The following FBXW7 variants were observed in gnomAD, a reference collection of about 807,000 sequenced individuals.
The protein encoded by FBXW7 is F-box and WD repeat domain containing 7, also known as F-box/WD repeat-containing protein 7.
FBXW7 carries 11 observed loss-of-function variants against 86.3 expected under a neutral mutation model. The observed-to-expected ratio is 0.13, with a 90% CI of 0.08 to 0.21. The LOEUF is 0.21. Among genes scored for constraint, FBXW7 ranks in the 10% least tolerant of loss-of-function variants. The pLI is 1.00. For synonymous variants in FBXW7, 313 were observed against 297.9 expected (o/e 1.05, Z -0.52); for missense variants, 488 against 847.4 (o/e 0.58, Z 5.27).
intron 2 of FBXW7, among the ~76,000 whole-genome samples, chr4:152,502,117 A>G (rs1407882338): frequency 6.6e-6 from 1 of 152,142 alleles, no homozygotes; most frequent in Non-Finnish European, 1.5e-5. Flanking sequence ...CAACTCTCAA[A>G]AGGTTTAATT....
At chr4:152,459,199 T>A (rs1213464771) in intron 2 of FBXW7, among the ~76,000 whole-genome samples, 1 of 152,184 alleles carries the variant, frequency 6.6e-6, no homozygotes, top group African/African-American at 2.4e-5. Context: ...GACACCAGCA[T>A]TCAATCTACC....
intron 4 of FBXW7, among the ~76,000 whole-genome samples, chr4:152,376,290 T>A (rs1030039367): frequency 2.0e-5 from 3 of 152,108 alleles, no homozygotes; most frequent in Admixed American, 6.6e-5. Flanking sequence ...GGGTAATAAT[T>A]CCCAAATTTG....
At chr4:152,533,248 A>G (rs77683286) in intron 2 of FBXW7, among the ~76,000 whole-genome samples, 2,085 of 152,184 alleles carry the variant, frequency 0.014, 26 homozygotes, top group Middle Eastern at 0.037. Context: ...AGTAGGTCCT[A>G]AAGTTAGTAA....
chr4:152,347,923 TTAAAC>T (rs1478987825), intron 5 of FBXW7, among the ~76,000 whole-genome samples: 30 of 152,168 alleles, frequency 2.0e-4, no homozygotes, highest in African/African-American at 5.8e-4. Context: ...CTGCATGTAA[TTAAAC>T]TAAACTCAAG....
chr4:152,502,565 T>C (rs1747056825), intron 2 of FBXW7, among the ~76,000 whole-genome samples: 1 of 152,064 alleles, frequency 6.6e-6, no homozygotes, highest in South Asian at 2.1e-4. Context: ...TTTTTAATTT[T>C]AATATTTTGA....
At chr4:152,472,409 A>G (rs1320586256) in intron 2 of FBXW7, among the ~76,000 whole-genome samples, 1 of 152,184 alleles carries the variant, frequency 6.6e-6, no homozygotes, top group African/African-American at 2.4e-5. Flanking sequence ...CCATCAGCAG[A>G]AGGGAGAAAT....
At chr4:152,388,334 C>T (rs1735722378) in intron 4 of FBXW7, among the ~76,000 whole-genome samples, 1 of 152,042 alleles carries the variant, frequency 6.6e-6, no homozygotes, top group African/African-American at 2.4e-5. Context: ...ACAACATACA[C>T]AAGTGTTATA....
intron 7 of FBXW7, among the ~76,000 whole-genome samples, chr4:152,336,212 A>G (rs1435380836): frequency 6.6e-6 from 1 of 152,140 alleles, no homozygotes; most frequent in Non-Finnish European, 1.5e-5. Flanking sequence ...CTCCTATATA[A>G]CTAATTTCAC....
intron 2 of FBXW7, among the ~76,000 whole-genome samples, chr4:152,487,443 T>G (rs1005413366): frequency 3.9e-5 from 6 of 152,080 alleles, no homozygotes; most frequent in African/African-American, 1.4e-4. Context: ...AATCTTGATG[T>G]AAATAAACAC....
chr4:152,404,074 G>A (rs1333202993), intron 4 of FBXW7, among the ~76,000 whole-genome samples: 3 of 152,158 alleles, frequency 2.0e-5, no homozygotes, highest in African/African-American at 7.2e-5. Flanking sequence ...TGAAGAATCA[G>A]TTACACTAGG....
chr4:152,374,916 C>A lies in FBXW7; in HGVS notation c.502-24792G>T, dbSNP rs567826111. On this transcript the variant is annotated intron_variant, in intron 4 of 13. Transcript: ENST00000281708. The stretch of plus-strand genomic sequence containing the variant: ...GGGGGGATGATGCTGGCTTTTAAAA[C>A]GTTTTATATTTCCGTATGTTAAGGA... 3.3e-5 allele frequency among the ~76,000 whole-genome samples: 5 copies of A among 151,812 alleles called. No individual in the cohort carries two copies. In the South Asian group the frequency reaches 1.0e-3, roughly 32 times the overall value.
intron 2 of FBXW7, among the ~76,000 whole-genome samples, chr4:152,475,483 T>A (rs778155230): frequency 3.9e-5 from 6 of 152,100 alleles, no homozygotes; most frequent in Non-Finnish European, 8.8e-5. Context: ...AGCAAAGATG[T>A]GTTTTTACCA....
chr4:152,388,503 T>TA (rs1735740450), intron 4 of FBXW7, among the ~76,000 whole-genome samples: 1 of 152,176 alleles, frequency 6.6e-6, no homozygotes, highest in Non-Finnish European at 1.5e-5. Context: ...ATCTCAATGT[T>TA]AGACATTTAA....
At chr4:152,384,995 TATGTC>T (rs941510846) in intron 4 of FBXW7, among the ~76,000 whole-genome samples, 5 of 152,076 alleles carry the variant, frequency 3.3e-5, no homozygotes, top group African/African-American at 1.2e-4. Flanking sequence ...TTGTGAAACA[TATGTC>T]ATATTTTGTC....
In FBXW7 at chr4:152,525,307, T is replaced by C. The variant is rs1368577932; in HGVS notation, c.-120+9634A>G. Among the ~76,000 whole-genome samples the C allele has an allele frequency of 3.3e-5, 5 of 152,326 alleles. No homozygotes were observed. In the East Asian group the frequency reaches 9.6e-4, roughly 29 times the overall value. ...TAGCAAGATAATCAGTGCTAAAGAA[T>C]ATATTTTTTAAACTTTTATTTTAGG... On this transcript the variant is annotated intron_variant, in intron 2 of 13. Transcript: ENST00000281708.
intron 2 of FBXW7, among the ~76,000 whole-genome samples, chr4:152,443,322 T>C (rs1296181548): frequency 6.6e-6 from 1 of 152,170 alleles, no homozygotes; most frequent in Non-Finnish European, 1.5e-5. Context: ...GTATGGCAGA[T>C]AACCAGAATA....
intron 2 of FBXW7, among the ~76,000 whole-genome samples, chr4:152,528,563 T>C (rs1320455317): frequency 3.3e-5 from 5 of 152,184 alleles, no homozygotes; most frequent in Non-Finnish European, 7.3e-5. Flanking sequence ...AATATCCAGA[T>C]CAAGTGCTCA....
intron 2 of FBXW7, among the ~76,000 whole-genome samples, chr4:152,523,236 G>GT (rs1184239732): frequency 2.6e-5 from 4 of 151,890 alleles, no homozygotes; most frequent in African/African-American, 7.3e-5. Flanking sequence ...TTTCAAGAGA[G>GT]TAAGCTCAAG....
intron 4 of FBXW7, among the ~76,000 whole-genome samples, chr4:152,387,825 C>T (rs1015554640): frequency 6.0e-5 from 9 of 150,214 alleles, no homozygotes; most frequent in South Asian, 2.1e-4. Flanking sequence ...TCTCCTGCCT[C>T]AGTCTCCTGA....
Sources: allele counts gnomAD v4.1 joint callset (sites outside exome capture counted in the v4.1 genomes callset), GRCh38; gene constraint gnomAD v4.1.1; transcripts MANE v1.5; gene names NCBI Gene and HGNC (gene_info 2026-07-23, HGNC 2026-07-21).